PMPCB: variants seen among roughly 807,000 people sequenced by gnomAD.
The protein encoded by PMPCB is mitochondrial-processing peptidase subunit beta.
In PMPCB, 46 loss-of-function variants were observed where a neutral mutation model predicts 61.5. The observed-to-expected ratio is 0.75, with a 90% CI of 0.59 to 0.96. The LOEUF is 0.96. Ranked by LOEUF, PMPCB falls within the 40% of genes least tolerant of loss-of-function variation. The pLI, the probability that PMPCB is intolerant of heterozygous loss-of-function variation, is 0.00. For synonymous variants in PMPCB, 191 were observed against 201.6 expected (o/e 0.95, Z 0.44); for missense variants, 590 against 602.4 (o/e 0.98, Z 0.22).
At chr7:103,323,155 C>CCTGA in intron 12 of PMPCB, among the ~76,000 whole-genome samples, 1 of 152,280 alleles carries the variant, frequency 6.6e-6, no homozygotes, top group Non-Finnish European at 1.5e-5. Context: ...GTCTCGCACT[C>CCTGA]CTGACCTCAG....
At chr7:103,299,341 G>C (rs1390273223) in intron 2 of PMPCB, 102 bp from the exon 3 acceptor site, 2 of 671,166 alleles carry the variant, frequency 3.0e-6, no homozygotes, top group African/African-American at 3.6e-5. Flanking sequence ...AAATCTTAGT[G>C]TTAAGACCAG....
chr7:103,346,600 C>T, the PMPCB span, among the ~76,000 whole-genome samples: 1 of 152,168 alleles, frequency 6.6e-6, no homozygotes, highest in Admixed American at 6.5e-5. Context: ...CATTTAATCT[C>T]TTACAAAACT....
intron 12 of PMPCB, chr7:103,322,755 T>A (rs1308041571): frequency 4.4e-6 from 7 of 1,608,490 alleles, no homozygotes; most frequent in Non-Finnish European, 5.9e-6. Context: ...GTGCTCTTGT[T>A]GCTCTGTTCT....
At position 103,314,114 on chromosome 7, in the gene PMPCB, A is replaced by C. The variant is rs1817912133; in HGVS notation, c.*1843A>C. ...TTTGATGGTACCTAAGGTGCCTAAG[A>C]AGCTTTTTTGAAGGTAGCTTTTAAG... On this transcript the variant is annotated 3_prime_UTR_variant, in exon 13 of 13. Coordinates refer to ENST00000249269, the MANE Select transcript of PMPCB (RefSeq NM_004279.3). 1.0e-6 allele frequency: 1 copy of C among 985,430 alleles called. No homozygotes were observed. The highest frequency in any genetic ancestry group is 4.7e-5 in the South Asian group (1 of 21,288). The allele number at this position is 985,430 out of a possible 1,614,324, so 61.0% of individuals were successfully genotyped here. A position where few individuals can be genotyped will look rare whatever the true frequency, so the allele number is the denominator to read the frequency against.
chr7:103,328,672 T>C (rs989846542), intron 12 of PMPCB, among the ~76,000 whole-genome samples: 2 of 152,130 alleles, frequency 1.3e-5, no homozygotes, highest in Non-Finnish European at 2.9e-5. Context: ...TGTAATCGTA[T>C]GTACTAATTT....
chr7:103,329,943 C>T (rs1371670941), downstream of PMPCB, among the ~76,000 whole-genome samples: 1 of 152,140 alleles, frequency 6.6e-6, no homozygotes, highest in African/African-American at 2.4e-5. Context: ...CTGACCCAAA[C>T]TCCCAAAATA....
chr7:103,334,715 T>C, the PMPCB span, among the ~76,000 whole-genome samples: 1 of 152,062 alleles, frequency 6.6e-6, no homozygotes, highest in Non-Finnish European at 1.5e-5. Context: ...CCCACAGTGC[T>C]AGGATTAACA....
At chr7:103,317,332 A>C (rs1168573841), downstream of PMPCB, 10 of 267,794 alleles carry the variant, frequency 3.7e-5, no homozygotes, top group Admixed American at 5.0e-5. Context: ...GGCCATTTCA[A>C]ACCTCTCTTC....
Position 103,312,634 on chromosome 7 carries a change from C to T in PMPCB, c.*363C>T, listed in dbSNP as rs184300996. ...GCAGCTTTCTTTGCTTTTACCATCTCGACAAGTTCCTAGGAAGGGAGAAAG... is the reference window on the plus strand; with the variant it reads ...GCAGCTTTCTTTGCTTTTACCATCTTGACAAGTTCCTAGGAAGGGAGAAAG... On this transcript the variant is annotated 3_prime_UTR_variant, in exon 13 of 13. Transcript: ENST00000249269. 8.1e-6 allele frequency: 13 copies of T among 1,612,998 alleles called. No homozygotes were observed. Among genetic ancestry groups the T allele is most frequent in the Admixed American group, 1.7e-5 (1 of 59,870 alleles).
At chr7:103,344,709 T>C in the PMPCB span, 4 of 1,408,346 alleles carry the variant, frequency 2.8e-6, no homozygotes, top group African/African-American at 2.8e-5. Flanking sequence ...TACCTCTCAC[T>C]CCGAGCCTCG....
At position 103,310,350 on chromosome 7, in the gene PMPCB, T is replaced by G; in HGVS notation, c.1029T>G (p.His343Gln). 16 of 1,613,946 alleles carry G rather than the reference T, an allele frequency of 9.9e-6. No homozygotes were observed. Among genetic ancestry groups the G allele is most frequent in the Non-Finnish European group, 1.4e-5 (16 of 1,179,862 alleles). Reference sequence around the variant, plus strand: ...GCAAGCTGGCCCAGCTCACTTGTCATGGCAATCTTTGCCATAGCTTTCAGT... The same window carrying G: ...GCAAGCTGGCCCAGCTCACTTGTCAGGGCAATCTTTGCCATAGCTTTCAGT... ...LSSKLAQLTC[H>Q]GNLCHSFQSF... The change falls in exon 9 of 13, where the codon CAT (histidine) becomes CAG (glutamine). Residue 343 changes from histidine to glutamine, a missense_variant. His to Gln is a conservative substitution (Grantham distance 24). Coordinates refer to ENST00000249269, the MANE Select transcript of PMPCB (RefSeq NM_004279.3).
At chr7:103,342,463 G>A in the PMPCB span, among the ~76,000 whole-genome samples, 1 of 150,718 alleles carries the variant, frequency 6.6e-6, no homozygotes, top group Admixed American at 6.6e-5. Context: ...GCGCCACCAT[G>A]CCCAGCTAAT....
At chr7:103,342,800 G>A in the PMPCB span, among the ~76,000 whole-genome samples, 1 of 151,450 alleles carries the variant, frequency 6.6e-6, no homozygotes, top group African/African-American at 2.4e-5. Flanking sequence ...AGTAAAGACG[G>A]GGTTTCACCA....
intron 12 of PMPCB, chr7:103,322,913 AT>A: frequency 1.3e-6 from 1 of 799,882 alleles, no homozygotes; most frequent in Non-Finnish European, 1.9e-6. Context: ...ATGCTGTGTC[AT>A]TACTAACATT....
intron 12 of PMPCB, chr7:103,326,563 T>A (rs1328675183): frequency 6.2e-7 from 1 of 1,613,828 alleles, no homozygotes; most frequent in Non-Finnish European, 8.5e-7. Context: ...TTTCAAACAC[T>A]GGGGTAAACA....
intron 12 of PMPCB, among the ~76,000 whole-genome samples, chr7:103,323,227 G>A (rs1420365797): frequency 6.6e-6 from 1 of 152,082 alleles, no homozygotes; most frequent in Non-Finnish European, 1.5e-5. Context: ...AGCACGCCCG[G>A]CCTAAACAGT....
the PMPCB span, chr7:103,336,311 T>G: frequency 6.6e-6 from 1 of 152,238 alleles, no homozygotes; most frequent in Non-Finnish European, 1.5e-5. Flanking sequence ...ATTAACAAAT[T>G]TATCTGTACT....
At chr7:103,311,544 C>A in intron 9 of PMPCB, 99 bp from the exon 10 acceptor site, 1 of 771,852 alleles carries the variant, frequency 1.3e-6, no homozygotes. Context: ...ATTGTAATCA[C>A]CTGTATGTTT....
chr7:103,316,099 A>G (rs745811330), downstream of PMPCB: 2 of 1,489,422 alleles, frequency 1.3e-6, no homozygotes, highest in Admixed American at 2.1e-5. Context: ...CTGATAGGAT[A>G]TATTATACAA....
Sources: allele counts gnomAD v4.1 joint callset (sites outside exome capture counted in the v4.1 genomes callset), GRCh38; gene constraint gnomAD v4.1.1; transcripts MANE v1.5; gene names NCBI Gene and HGNC (gene_info 2026-07-23, HGNC 2026-07-21).